DNAAF5: variants seen among roughly 807,000 people sequenced by gnomAD.
The protein encoded by DNAAF5 is HEAT repeat containing 2.
In DNAAF5, 64 loss-of-function variants were observed where a neutral mutation model predicts 75.8. The observed-to-expected ratio is 0.84, with a 90% CI of 0.69 to 1.04. DNAAF5 has a LOEUF of 1.04. Ranked by LOEUF, DNAAF5 falls within the 50% of genes least tolerant of loss-of-function variation. The pLI, the probability that DNAAF5 is intolerant of heterozygous loss-of-function variation, is 0.00. For synonymous variants in DNAAF5, 657 were observed against 557.2 expected, an observed-to-expected ratio of 1.18 and a Z score of -2.52; for missense variants, 1,269 against 1,178.5, an observed-to-expected ratio of 1.08 and a Z score of -1.12.
At chr7:769,220 C>T (rs764283033) in intron 8 of DNAAF5, 1 of 767,338 alleles carries the variant, frequency 1.3e-6, no homozygotes, top group Non-Finnish European at 2.4e-6. Context: ...CTCACAGTTG[C>T]TTGGATAAGC....
chr7:776,559 C>T (rs551456577), intron 11 of DNAAF5, among the ~76,000 whole-genome samples: 27 of 152,188 alleles, frequency 1.8e-4, no homozygotes, highest in Admixed American at 7.8e-4. Flanking sequence ...TGTGGGGAGA[C>T]GGGGCCGGGC....
At chr7:770,292 A>C (rs1562396329) in intron 8 of DNAAF5, among the ~76,000 whole-genome samples, 179 bp from the exon 9 acceptor site, 1 of 152,172 alleles carries the variant, frequency 6.6e-6, no homozygotes, top group South Asian at 2.1e-4. Flanking sequence ...TTGGGGGGTT[A>C]AAATTTTCTG....
chr7:766,543 A>G (rs1782826957), intron 8 of DNAAF5, among the ~76,000 whole-genome samples: 1 of 152,270 alleles, frequency 6.6e-6, no homozygotes, highest in Non-Finnish European at 1.5e-5. Flanking sequence ...TAAAAGGAAC[A>G]TAGACTTAGG....
At chr7:770,189 T>G (rs1335770341) in intron 8 of DNAAF5, among the ~76,000 whole-genome samples, 1 of 152,168 alleles carries the variant, frequency 6.6e-6, no homozygotes, top group Non-Finnish European at 1.5e-5. Context: ...GGACCTCAGG[T>G]GATCCTCCCT....
chr7:747,003 C>T (rs1782137241), intron 4 of DNAAF5, among the ~76,000 whole-genome samples: 1 of 152,230 alleles, frequency 6.6e-6, no homozygotes, highest in Admixed American at 6.5e-5. Flanking sequence ...AGTCACGTTC[C>T]CTCCCGTGGA....
chr7:776,608 C>CG, intron 11 of DNAAF5, among the ~76,000 whole-genome samples: 1 of 152,166 alleles, frequency 6.6e-6, no homozygotes, highest in Admixed American at 6.5e-5. Context: ...CTCAGTGTCG[C>CG]CGCCTCCTGG....
intron 7 of DNAAF5, 65 bp downstream of exon 7, chr7:761,961 G>A: frequency 2.1e-6 from 2 of 940,626 alleles, no homozygotes; most frequent in Non-Finnish European, 3.0e-6. Context: ...GCATCTCTAA[G>A]TGAGGTGAAC....
chr7:770,731 A>C, intron 9 of DNAAF5, 113 bp downstream of exon 9: 7 of 1,006,008 alleles, frequency 7.0e-6, no homozygotes, highest in South Asian at 1.6e-5. Flanking sequence ...CTTCCCCAAC[A>C]CTGCACTGCG....
chr7:777,588 C>T (rs780211060), intron 11 of DNAAF5, among the ~76,000 whole-genome samples: 2 of 152,152 alleles, frequency 1.3e-5, no homozygotes, highest in South Asian at 4.1e-4. Flanking sequence ...GGGCGGGAAG[C>T]GGCCACTCAG....
chr7:765,731 C>T (rs1782799483), intron 8 of DNAAF5, among the ~76,000 whole-genome samples: 1 of 152,172 alleles, frequency 6.6e-6, no homozygotes, highest in Non-Finnish European at 1.5e-5. Flanking sequence ...GAGACGGTCT[C>T]ACGCTGTCAC....
intron 2 of DNAAF5, among the ~76,000 whole-genome samples, chr7:736,944 T>C (rs932329168): frequency 1.3e-5 from 2 of 152,112 alleles, no homozygotes; most frequent in African/African-American, 4.8e-5. Flanking sequence ...AGCTGAACAC[T>C]GATTCCAAAA....
intron 2 of DNAAF5, among the ~76,000 whole-genome samples, chr7:733,232 T>C (rs1433351889): frequency 2.0e-5 from 3 of 152,198 alleles, no homozygotes; most frequent in African/African-American, 7.2e-5. Flanking sequence ...CAGTTTTTTG[T>C]TTGTTTTTGT....
intron 1 of DNAAF5, among the ~76,000 whole-genome samples, chr7:728,537 C>G (rs1583470416): frequency 6.6e-6 from 1 of 152,214 alleles, no homozygotes; most frequent in East Asian, 1.9e-4. Flanking sequence ...TGGTCCAGAA[C>G]TCCTGTGGAG....
Position 785,783 on chromosome 7 carries a change from C to T in DNAAF5, c.*130C>T, listed in dbSNP as rs1583532319. 9.9e-7 allele frequency: 1 copy of T among 1,005,624 alleles called. No homozygotes were observed. The highest frequency in any genetic ancestry group is 2.6e-5 in the East Asian group (1 of 37,878). 62.3% of individuals were successfully genotyped at this position (1,005,624 alleles called of 1,614,324 possible). ...GACAGCAAGAATGTACTCCTCAGGA[C>T]ACCTGCCCACTCTTTCCCTGGAATA... On this transcript the variant is annotated 3_prime_UTR_variant, in exon 13 of 13. Coordinates refer to ENST00000297440, the MANE Select transcript of DNAAF5 (RefSeq NM_017802.4).
intron 7 of DNAAF5, 64 bp downstream of exon 7, chr7:761,960 A>G (rs1782662880): frequency 1.3e-6 from 2 of 1,522,702 alleles, no homozygotes; most frequent in South Asian, 2.5e-5. Context: ...GGCATCTCTA[A>G]GTGAGGTGAA....
intron 4 of DNAAF5, among the ~76,000 whole-genome samples, chr7:745,698 C>T (rs551717755): frequency 3.6e-4 from 55 of 152,344 alleles, no homozygotes; most frequent in African/African-American, 1.3e-3. Context: ...CATCTGCACA[C>T]GTGTGTACAT....
chr7:762,883 G>T (rs1272584758), intron 7 of DNAAF5, among the ~76,000 whole-genome samples: 2 of 152,168 alleles, frequency 1.3e-5, no homozygotes, highest in Non-Finnish European at 2.9e-5. Context: ...CAAAGGGCTG[G>T]GATCATAGGC....
rs1416790754 is a variant in DNAAF5, at chr7:774,159, C to G, written c.2043C>G (p.Leu681=). The change falls in exon 10 of 13, where the codon CTC becomes CTG. Residue 681 remains leucine (L), a synonymous_variant. Transcript: ENST00000297440. ...TCCGCACGGCTGCCGTGTCCTGCCT[C>G]TGGGCGCTCACCAGCAGCGAGGTCC... is the stretch of plus-strand genomic sequence containing the variant. ...AAIRTAAVSC[L]WALTSSEVLS... is the part of the protein sequence containing the mutation. The G allele has an allele frequency of 2.5e-6, 4 of 1,612,194 alleles. No individual in the cohort carries two copies. Among genetic ancestry groups the G allele is most frequent in the Non-Finnish European group, 3.4e-6 (4 of 1,179,922 alleles).
chr7:743,374 A>AAAAC (rs145813645), intron 4 of DNAAF5, among the ~76,000 whole-genome samples: 3,050 of 150,490 alleles, frequency 0.02, 47 homozygotes, highest in East Asian at 0.11. Context: ...GACCCCGTTT[A>AAAAC]AAACAAACAA....
Sources: gnomAD v4.1 joint callset for allele counts (sites outside exome capture counted in the v4.1 genomes callset) on GRCh38, gnomAD v4.1.1 for gene constraint, MANE v1.5 for transcripts, NCBI Gene and HGNC (gene_info 2026-07-23, HGNC 2026-07-21) for gene names.